Variants in MACROD2 observed in about 807,000 individuals in gnomAD.
The protein encoded by MACROD2 is mono-ADP ribosylhydrolase 2, also known as ADP-ribose glycohydrolase MACROD2.
In MACROD2, 36 loss-of-function variants were observed where a neutral mutation model predicts 70.4. The observed-to-expected ratio is 0.51, with a 90% CI of 0.39 to 0.68. The LOEUF is 0.68. MACROD2 is among the 30% of genes least tolerant of loss of function. MACROD2 has a pLI of 0.00. For synonymous variants in MACROD2, 172 were observed against 178.8 expected (o/e 0.96, Z 0.30); for missense variants, 496 against 538.4 (o/e 0.92, Z 0.78).
At chr20:14,031,694 G>T (rs1371136525) in intron 2 of MACROD2, among the ~76,000 whole-genome samples, 1 of 152,002 alleles carries the variant, frequency 6.6e-6, no homozygotes, top group Non-Finnish European at 1.5e-5. Flanking sequence ...TCATTATAAA[G>T]CATTAAAAAG....
chr20:14,417,539 T>C (rs1363831212), intron 3 of MACROD2, among the ~76,000 whole-genome samples: 1 of 152,218 alleles, frequency 6.6e-6, no homozygotes, highest in Non-Finnish European at 1.5e-5. Flanking sequence ...TACTTTTTCA[T>C]TGGTTACTCA....
Position 16,025,057 on chromosome 20 carries a change from C to T in MACROD2, c.1154-16144C>T, listed in dbSNP as rs535691695. Among the ~76,000 whole-genome samples the T allele has an allele frequency of 1.1e-4, 16 of 152,284 alleles. No individual in the cohort carries two copies. In the South Asian group the frequency reaches 3.1e-3, roughly 30 times the overall value. On this transcript the variant is annotated intron_variant, in intron 15 of 17. Transcript: ENST00000684519. ...TTATCTTGCCGAAGAAGTTATGTGACAGACTCTCTAGTTTGGTAAAAATAC... is the reference window on the plus strand; with the variant it reads ...TTATCTTGCCGAAGAAGTTATGTGATAGACTCTCTAGTTTGGTAAAAATAC...
chr20:14,781,368 A>G (rs1199014432), intron 5 of MACROD2, among the ~76,000 whole-genome samples: 1 of 151,362 alleles, frequency 6.6e-6, no homozygotes, highest in Non-Finnish European at 1.5e-5. Context: ...GGATTTCACT[A>G]CGTGGTGGAA....
intron 3 of MACROD2, among the ~76,000 whole-genome samples, chr20:14,465,024 G>A (rs866680709): frequency 9.9e-5 from 15 of 152,076 alleles, no homozygotes; most frequent in African/African-American, 3.1e-4. Context: ...GATTTGGGGC[G>A]GAGAGTTCTG....
At chr20:14,851,364 T>C (rs1004719919) in intron 5 of MACROD2, among the ~76,000 whole-genome samples, 1 of 152,114 alleles carries the variant, frequency 6.6e-6, no homozygotes, top group Non-Finnish European at 1.5e-5. Flanking sequence ...ACAGAACAAT[T>C]ACAATGGAAT....
chr20:14,842,459 A>G (rs1473792740), intron 5 of MACROD2, among the ~76,000 whole-genome samples: 3 of 152,038 alleles, frequency 2.0e-5, no homozygotes, highest in African/African-American at 7.2e-5. Context: ...TAAAATTGAG[A>G]CCTGTCTTTA....
chr20:15,130,112 A>ATC (rs1483483744), intron 5 of MACROD2, among the ~76,000 whole-genome samples: 1 of 152,138 alleles, frequency 6.6e-6, no homozygotes, highest in Non-Finnish European at 1.5e-5. Flanking sequence ...CCAAAAGTAT[A>ATC]TCATGGGTCA....
intron 5 of MACROD2, among the ~76,000 whole-genome samples, chr20:15,092,421 TATA>T (rs1367271114): frequency 3.4e-5 from 5 of 148,498 alleles, no homozygotes; most frequent in African/African-American, 7.3e-5. Flanking sequence ...ATATTTTCAT[TATA>T]ATTAAAATTT....
intron 10 of MACROD2, among the ~76,000 whole-genome samples, chr20:15,921,276 C>T (rs1356486422): frequency 2.6e-5 from 4 of 152,198 alleles, no homozygotes; most frequent in Non-Finnish European, 4.4e-5. Context: ...TACATGCTTC[C>T]TCTCACCTCT....
At chr20:14,612,885 T>C (rs1253127578) in intron 4 of MACROD2, among the ~76,000 whole-genome samples, 1 of 152,134 alleles carries the variant, frequency 6.6e-6, no homozygotes, top group Non-Finnish European at 1.5e-5. Context: ...ATTTGTACCT[T>C]GCTCTATATC....
chr20:14,326,748 A>G lies in MACROD2; in HGVS notation c.272-166731A>G, dbSNP rs1337254348. 3 of 1,613,720 alleles carry G rather than the reference A, an allele frequency of 1.9e-6. No homozygotes were observed. Among genetic ancestry groups the G allele is most frequent in the South Asian group, 2.2e-5 (2 of 91,088 alleles). ...CCCGATTGATGTGGTTATCTTGAAG[A>G]TAAAGCTTCCTCAGGTTTGTGCCTG... is the stretch of plus-strand genomic sequence containing the variant. On this transcript the variant is annotated intron_variant, in intron 3 of 17. Transcript: ENST00000684519. The surrounding 1 kb of genome is among the most constrained non-coding windows in gnomAD (Gnocchi z 5.5).
At chr20:14,725,423 C>T (rs556401708) in intron 5 of MACROD2, among the ~76,000 whole-genome samples, 142 of 152,134 alleles carry the variant, frequency 9.3e-4, no homozygotes, top group Middle Eastern at 3.4e-3. Context: ...GTTTAGACAT[C>T]AGGGAGAAGA....
At chr20:15,995,102 C>G (rs2066609585) in intron 15 of MACROD2, among the ~76,000 whole-genome samples, 1 of 152,000 alleles carries the variant, frequency 6.6e-6, no homozygotes, top group Non-Finnish European at 1.5e-5. Context: ...TCTACTAACT[C>G]TAATGACTAG....
intron 5 of MACROD2, among the ~76,000 whole-genome samples, chr20:15,175,309 A>G (rs1299669994): frequency 2.0e-5 from 3 of 150,644 alleles, no homozygotes; most frequent in Non-Finnish European, 4.4e-5. Flanking sequence ...GGATAGCTTT[A>G]GGAGATATAC....
At chr20:14,277,522 G>A (rs2082270020) in intron 3 of MACROD2, among the ~76,000 whole-genome samples, 1 of 152,124 alleles carries the variant, frequency 6.6e-6, no homozygotes, top group Admixed American at 6.5e-5. Context: ...AAAGGTATGG[G>A]GAGAGTAACT....
At chr20:14,853,173 C>CTGTATGTG (rs35279137) in intron 5 of MACROD2, among the ~76,000 whole-genome samples, 33 of 149,342 alleles carry the variant, frequency 2.2e-4, no homozygotes, top group South Asian at 1.1e-3. Context: ...GTGTGTGTGT[C>CTGTATGTG]TGTGTGTGTG....
chr20:16,017,109 A>C (rs1453668602), intron 15 of MACROD2, among the ~76,000 whole-genome samples: 1 of 152,146 alleles, frequency 6.6e-6, no homozygotes, highest in Non-Finnish European at 1.5e-5. Context: ...AGAATATAAC[A>C]ATCTTGAACC....
At chr20:15,048,209 G>C (rs1600997171) in intron 5 of MACROD2, among the ~76,000 whole-genome samples, 1 of 152,214 alleles carries the variant, frequency 6.6e-6, no homozygotes, top group Admixed American at 6.5e-5. Context: ...CCAGGAGGCA[G>C]ACGTTGTAGT....
chr20:15,177,409 A>G (rs1450009334), intron 5 of MACROD2, among the ~76,000 whole-genome samples: 1 of 152,214 alleles, frequency 6.6e-6, no homozygotes, highest in East Asian at 1.9e-4. Flanking sequence ...GTCATTGTGT[A>G]TGCATTTGTT....
Sources: allele counts gnomAD v4.1 joint callset (sites outside exome capture counted in the v4.1 genomes callset), GRCh38; gene constraint gnomAD v4.1.1; non-coding constraint Gnocchi (gnomAD v3.1); transcripts MANE v1.5; gene names NCBI Gene and HGNC (gene_info 2026-07-23, HGNC 2026-07-21).